LPAR1: variants seen among roughly 807,000 people sequenced by gnomAD.
The protein encoded by LPAR1 is LPA receptor 1.
In LPAR1, 5 loss-of-function variants were observed where a neutral mutation model predicts 23.8. The ratio of observed to expected loss-of-function variants is 0.21; its 90% CI spans 0.11 to 0.44. LPAR1 has a LOEUF of 0.44. Among genes scored for constraint, LPAR1 ranks in the 20% least tolerant of loss-of-function variants. LPAR1 has a pLI of 0.99. For synonymous variants in LPAR1, 160 were observed against 164.7 expected (o/e 0.97, Z 0.22); for missense variants, 311 against 482.8 (o/e 0.64, Z 3.33).
At chr9:110,966,601 A>T (rs1013723228) in intron 4 of LPAR1, among the ~76,000 whole-genome samples, 1 of 151,454 alleles carries the variant, frequency 6.6e-6, no homozygotes, top group Non-Finnish European at 1.5e-5. Context: ...AACTTAAAGT[A>T]AAATATTTTA....
intron 2 of LPAR1, among the ~76,000 whole-genome samples, chr9:110,992,782 C>G (rs922888417): frequency 6.6e-6 from 1 of 152,066 alleles, no homozygotes; most frequent in Non-Finnish European, 1.5e-5. Context: ...AAAATGCAAA[C>G]TAATTTATAG....
At chr9:110,978,753 C>T (rs1189574895) in intron 2 of LPAR1, among the ~76,000 whole-genome samples, 2 of 152,164 alleles carry the variant, frequency 1.3e-5, no homozygotes, top group African/African-American at 4.8e-5. Context: ...ATTTTTCTCT[C>T]TGGAATCTGA....
Position 110,873,750 on chromosome 9 carries a change from T to G in LPAR1, c.*1671A>C, listed in dbSNP as rs2078568252. 6.6e-6 allele frequency: 1 copy of G among 152,242 alleles called. No individual in the cohort carries two copies. Among genetic ancestry groups the G allele is most frequent in the Non-Finnish European group, 1.5e-5 (1 of 68,058 alleles). The allele number at this position is 152,242 out of a possible 1,614,324, so 9.4% of individuals were successfully genotyped here. On this transcript the variant is annotated 3_prime_UTR_variant, in exon 6 of 6. Coordinates refer to ENST00000683809, the MANE Select transcript of LPAR1 (RefSeq NM_001351411.2). ...CCACATACTGACACACTCAACCCAT[T>G]TGCTACAGATGGACCCACACTAATT...
chr9:110,932,138 C>T (rs1344487708), intron 5 of LPAR1, among the ~76,000 whole-genome samples: 2 of 152,056 alleles, frequency 1.3e-5, no homozygotes, highest in African/African-American at 2.4e-5. Context: ...TTTTTGGCTA[C>T]CTGGGTATAT....
At chr9:110,935,646 G>T (rs534215641) in intron 5 of LPAR1, among the ~76,000 whole-genome samples, 1 of 152,250 alleles carries the variant, frequency 6.6e-6, no homozygotes, top group African/African-American at 2.4e-5. Flanking sequence ...AGAACAAACA[G>T]AGAGCAGAGC....
At chr9:111,036,958 G>T (rs1438101413) in intron 1 of LPAR1, among the ~76,000 whole-genome samples, 1 of 152,124 alleles carries the variant, frequency 6.6e-6, no homozygotes, top group African/African-American at 2.4e-5. Flanking sequence ...GTTTAGTTTG[G>T]TTCAAATAAC....
intron 5 of LPAR1, among the ~76,000 whole-genome samples, chr9:110,879,957 A>G (rs547282974): frequency 3.3e-5 from 5 of 152,306 alleles, no homozygotes; most frequent in African/African-American, 1.2e-4. Flanking sequence ...GGAGAAGAAG[A>G]CAGCTGATGA....
chr9:110,886,091 C>A (rs569107502), intron 5 of LPAR1, among the ~76,000 whole-genome samples: 27 of 151,868 alleles, frequency 1.8e-4, no homozygotes, highest in African/African-American at 6.3e-4. Flanking sequence ...TCAGCCACTC[C>A]GGAGTCTACG....
In LPAR1 at chr9:111,015,719, A is replaced by T. The variant is rs192209029; in HGVS notation, c.-182+20403T>A. Among the ~76,000 whole-genome samples, 14 of 152,282 alleles carry T rather than the reference A, an allele frequency of 9.2e-5. No individual in the cohort carries two copies. The East Asian group carries it at 2.5e-3, about 27-fold the overall frequency. On this transcript the variant is annotated intron_variant, in intron 2 of 5. Coordinates refer to ENST00000683809, the MANE Select transcript of LPAR1 (RefSeq NM_001351411.2). ...AGTAAATTTCAAACGTCTCACCATAAAAAATTATATAGGTCAGTGAAATGG... is the reference window on the plus strand; with the variant it reads ...AGTAAATTTCAAACGTCTCACCATATAAAATTATATAGGTCAGTGAAATGG...
chr9:110,901,084 A>G (rs2088748905), intron 5 of LPAR1, among the ~76,000 whole-genome samples: 1 of 152,208 alleles, frequency 6.6e-6, no homozygotes, highest in South Asian at 2.1e-4. Context: ...GAGTAAATAA[A>G]GCCAGATGGC....
chr9:110,945,034 A>T (rs983898740), intron 4 of LPAR1, among the ~76,000 whole-genome samples: 9 of 152,206 alleles, frequency 5.9e-5, no homozygotes, highest in African/African-American at 2.2e-4. Flanking sequence ...TATGCCTGAG[A>T]AGAAGTGAGA....
intron 2 of LPAR1, among the ~76,000 whole-genome samples, chr9:111,003,031 T>C (rs919840198): frequency 6.6e-6 from 1 of 152,148 alleles, no homozygotes; most frequent in African/African-American, 2.4e-5. Flanking sequence ...CTAATTTGTA[T>C]ACCCAGATGA....
intron 5 of LPAR1, among the ~76,000 whole-genome samples, chr9:110,937,963 G>A (rs540932461): frequency 5.5e-4 from 84 of 152,282 alleles, no homozygotes; most frequent in African/African-American, 1.8e-3. Flanking sequence ...TAAAGGTGTC[G>A]CTAGGTTTGG....
At chr9:110,919,231 C>CCT (rs1469151748) in intron 5 of LPAR1, among the ~76,000 whole-genome samples, 1 of 152,040 alleles carries the variant, frequency 6.6e-6, no homozygotes, top group Non-Finnish European at 1.5e-5. Context: ...TCTCTCCCTC[C>CCT]CTCTCTCCCT....
chr9:110,942,194 T>A (rs781232372), intron 4 of LPAR1, 26 bp from the exon 5 acceptor site: 1 of 1,572,048 alleles, frequency 6.4e-7, no homozygotes. Context: ...GAAAAGATGA[T>A]GAAAAAGAAG....
chr9:111,035,479 C>T (rs1482063083), intron 2 of LPAR1, among the ~76,000 whole-genome samples: 1 of 152,182 alleles, frequency 6.6e-6, no homozygotes, highest in Non-Finnish European at 1.5e-5. Flanking sequence ...CTGCCTCAGC[C>T]TCCCAAAGTG....
intron 4 of LPAR1, among the ~76,000 whole-genome samples, chr9:110,965,781 C>G (rs920581812): frequency 1.3e-5 from 2 of 152,140 alleles, no homozygotes; most frequent in Admixed American, 6.5e-5. Context: ...GGTATATACC[C>G]GAAGGATTAT....
intron 2 of LPAR1, among the ~76,000 whole-genome samples, chr9:110,993,383 G>C (rs1255179464): frequency 6.6e-6 from 1 of 152,038 alleles, no homozygotes; most frequent in East Asian, 1.9e-4. Context: ...TAGTTTTTAA[G>C]TTTTTTCCTG....
At chr9:110,921,798 G>A (rs540654099) in intron 5 of LPAR1, among the ~76,000 whole-genome samples, 65 of 152,302 alleles carry the variant, frequency 4.3e-4, no homozygotes, top group Middle Eastern at 3.4e-3. Context: ...CAGGGAGACC[G>A]CCACAGACAG....
Sources: gnomAD v4.1 joint callset for allele counts (sites outside exome capture counted in the v4.1 genomes callset) on GRCh38, gnomAD v4.1.1 for gene constraint, MANE v1.5 for transcripts, NCBI Gene and HGNC (gene_info 2026-07-23, HGNC 2026-07-21) for gene names.